Variants in KIFC2 observed in about 807,000 individuals in gnomAD.
KIFC2 encodes kinesin family member C2, also known as kinesin-like protein KIFC2.
In KIFC2, 94 loss-of-function variants were observed where a neutral mutation model predicts 91.5. The observed-to-expected ratio is 1.03, with a 90% CI of 0.87 to 1.22. The LOEUF (loss-of-function observed/expected upper bound fraction) is 1.22, where lower values mean the gene tolerates loss of function less well. Among genes scored for constraint, KIFC2 ranks in the 50% most tolerant of loss-of-function variants. The pLI, the probability that KIFC2 is intolerant of heterozygous loss-of-function variation, is 0.00. For missense variants in KIFC2, 1,357 were observed against 1,103.3 expected (o/e 1.23, Z -3.26); for synonymous variants, 729 against 503.9 (o/e 1.45, Z -5.98).
rs1325054891 is a variant in KIFC2, at chr8:144,473,620, C to T, written c.*231C>T. ...CCCTGCATCAGGCCACAGGTCTTGG[C>T]TTTCTCCTTATCACCATTTGCTGTT... On this transcript the variant is annotated 3_prime_UTR_variant, in exon 18 of 18. Transcript: ENST00000645548. 3.5e-6 allele frequency: 2 copies of T among 578,272 alleles called. No individual in the cohort carries two copies. Among genetic ancestry groups the T allele is most frequent in the South Asian group, 3.0e-5 (1 of 33,712 alleles). The allele number at this position is 578,272 out of a possible 1,614,324, so 35.8% of individuals were successfully genotyped here.
rs778227782 is a variant in KIFC2, at chr8:144,472,673, G to A, written c.1828G>A (p.Ala610Thr). ...SHALVTLTLR[A>T]ASPPRAPGTA... ...TGCCCTGGTCACGCTGACGCTGCGC[G>A]CGGCGTCTCCACCGCGCGCTCCAGG... The change falls in exon 16 of 18, where the codon GCG (alanine) becomes ACG (threonine). Residue 610 changes from alanine to threonine, a missense_variant. By Grantham distance (58) the Ala-to-Thr change is moderately conservative (BLOSUM62 0). Transcript: ENST00000645548. 1 of 1,596,566 alleles carries A rather than the reference G, an allele frequency of 6.3e-7. No homozygotes were observed. Among genetic ancestry groups the A allele is most frequent in the South Asian group, 1.1e-5 (1 of 90,906 alleles).
intron 12 of KIFC2, chr8:144,470,678 G>C (rs1403751944): frequency 6.6e-6 from 1 of 152,298 alleles, no homozygotes; most frequent in Admixed American, 6.5e-5. Flanking sequence ...TGCCAATGGG[G>C]TGAATGTCCT....
In KIFC2 at chr8:144,472,844, A is replaced by C. The variant is rs773834833; in HGVS notation, c.1911A>C (p.Ala637=). 16 of 1,557,706 alleles carry C rather than the reference A, an allele frequency of 1.0e-5. No homozygotes were observed. The African/African-American group carries it at 2.0e-4, about 19-fold the overall frequency. ...CGGGATCCGAACGCGCACGGAAGGC[A>C]GGGGCGGCCGGCCCGCCGCGGGGAG... ...DLAGSERARK[A]GAAGPPRGDP... is the part of the protein sequence containing the mutation. Residue 637 remains alanine, a synonymous_variant, in exon 17 of 18, where the codon GCA becomes GCC. Coordinates refer to ENST00000645548, the MANE Select transcript of KIFC2 (RefSeq NM_001369769.2).
In KIFC2 at chr8:144,473,526, G is replaced by C. The variant is rs183946498; in HGVS notation, c.*137G>C. The C allele has an allele frequency of 5.8e-4, 773 of 1,325,526 alleles. 1 individual carries two copies. In the African/African-American group the frequency reaches 9.2e-3, roughly 16 times the overall value. The allele number at this position is 1,325,526 out of a possible 1,614,324, so 82.1% of individuals were successfully genotyped here. A position where few individuals can be genotyped will look rare whatever the true frequency, so the allele number is the denominator to read the frequency against. On this transcript the variant is annotated 3_prime_UTR_variant, in exon 18 of 18. Transcript: ENST00000645548. Reference sequence around the variant, plus strand: ...GATCCATTGCCCCTGAGCTCCCAGAGTCACCCCTCCACCTCCGCAGCCAGT... The same window carrying C: ...GATCCATTGCCCCTGAGCTCCCAGACTCACCCCTCCACCTCCGCAGCCAGT...
intron 10 of KIFC2, 117 bp from the exon 11 acceptor site, chr8:144,469,154 C>T: frequency 1.2e-6 from 1 of 847,226 alleles, no homozygotes; most frequent in Non-Finnish European, 1.9e-6. Context: ...AAAGTTGTGG[C>T]TTAGCACAGC....
chr8:144,467,888 G>A lies in KIFC2; in HGVS notation c.711G>A (p.Gln237=). ...CGACGGACTCAGAGAAAAGGGTTCA[G>A]CATCTGACTCTGGAGAACGAGGCCC... ...VGATDSEKRV[Q]HLTLENEALK... is the part of the protein sequence containing the mutation. Residue 237 remains glutamine, a synonymous_variant, in exon 7 of 18, where the codon CAG becomes CAA. Transcript: ENST00000645548. The A allele has an allele frequency of 6.2e-7, 1 of 1,613,434 alleles. No individual in the cohort carries two copies. Among genetic ancestry groups the A allele is most frequent in the Non-Finnish European group, 8.5e-7 (1 of 1,179,774 alleles).
At chr8:144,468,090 CTG>C in intron 7 of KIFC2, 103 bp downstream of exon 7, 1 of 1,384,736 alleles carries the variant, frequency 7.2e-7, no homozygotes, top group Non-Finnish European at 9.5e-7. Flanking sequence ...CCGGGATGGT[CTG>C]TGTAGGGCAG....
Position 144,467,639 on chromosome 8 carries a change from C to T in KIFC2, c.615+9C>T. ...AGCTCATCCTGGGACAGGTGAGGTCCCTGGAGCCAGAAGGGATTGCCGGCT... is the reference window on the plus strand; with the variant it reads ...AGCTCATCCTGGGACAGGTGAGGTCTCTGGAGCCAGAAGGGATTGCCGGCT... On this transcript the variant is annotated intron_variant, in intron 5 of 17. Coordinates refer to ENST00000645548, the MANE Select transcript of KIFC2 (RefSeq NM_001369769.2). 1 of 1,601,046 alleles carries T rather than the reference C, an allele frequency of 6.2e-7. No individual in the cohort carries two copies. Among genetic ancestry groups the T allele is most frequent in the Non-Finnish European group, 8.5e-7 (1 of 1,172,682 alleles).
At chr8:144,466,585 C>T (rs1564745763) in intron 1 of KIFC2, 67 bp downstream of exon 1, 7 of 940,146 alleles carry the variant, frequency 7.4e-6, no homozygotes, top group East Asian at 3.4e-5. Flanking sequence ...CCGAGGTTCC[C>T]GGGGCGGGGG....
At chr8:144,473,098 C>T in intron 17 of KIFC2, 34 bp from the exon 18 acceptor site, 1 of 1,539,360 alleles carries the variant, frequency 6.5e-7, no homozygotes, top group East Asian at 2.5e-5. Flanking sequence ...TCGCCGCCCA[C>T]CCGGGCCCGC....
At chr8:144,469,172 G>A in intron 10 of KIFC2, 99 bp from the exon 11 acceptor site, 1 of 979,964 alleles carries the variant, frequency 1.0e-6, no homozygotes, top group Non-Finnish European at 1.5e-6. Context: ...AGCTGAGCGG[G>A]CCTGTGGGGG....
rs1040223005 is a variant in KIFC2 at position 144,468,264 on chromosome 8, C to G, written c.811-65C>G. On this transcript the variant is annotated intron_variant, in intron 7 of 17. Transcript: ENST00000645548. The stretch of plus-strand genomic sequence containing the variant: ...TGCCCACCTCTTGACTTGACTTTCC[C>G]ATCTGTGAAATGGTACCACAGACCG... 5.6e-6 allele frequency: 8 copies of G among 1,429,238 alleles called. 1 individual carries two copies. The East Asian group carries it at 7.1e-5, about 13-fold the overall frequency. 88.5% of individuals were successfully genotyped at this position (1,429,238 alleles called of 1,614,324 possible). A position where few individuals can be genotyped will look rare whatever the true frequency, so the allele number is the denominator to read the frequency against.
chr8:144,472,102 G>C (rs370401549), intron 13 of KIFC2, 36 bp from the exon 14 acceptor site: 1 of 1,612,944 alleles, frequency 6.2e-7, no homozygotes, highest in Non-Finnish European at 8.5e-7. Context: ...GCATGACTTG[G>C]ATGTGAGCCC....
Position 144,468,733 on chromosome 8 carries a change from GC to G in KIFC2, c.1013del (p.Ala338AspfsTer28). On this transcript the variant is annotated frameshift_variant, in exon 10 of 18. Coordinates refer to ENST00000645548, the MANE Select transcript of KIFC2 (RefSeq NM_001369769.2). LOFTEE classifies it high-confidence loss of function. ...QMHGQLAGLR[A>X]RMASLRQGCG... is the part of the protein sequence containing the mutation. The stretch of plus-strand genomic sequence containing the variant: ...CAGACTTCCCTCTCCAGGACTTCGG[GC>G]ACGGATGGCCAGCCTGCGTCAGGGC... 6.2e-7 allele frequency: 1 copy of G among 1,614,028 alleles called. No individual in the cohort carries two copies. Among genetic ancestry groups the G allele is most frequent in the Non-Finnish European group, 8.5e-7 (1 of 1,180,010 alleles).
At position 144,467,953 on chromosome 8, in the gene KIFC2, A is replaced by C. The variant is rs556184572; in HGVS notation, c.776A>C (p.His259Pro). Residue 259 changes from histidine (H) to proline (P), a missense_variant, in exon 7 of 18, where the codon CAC (histidine) becomes CCC (proline). Transcript: ENST00000645548. Reference sequence around the variant, plus strand: ...AGTCTCATGCGGGACCTCCTGCTGCACTGGGGCCCCGGGCCCCCCATCAGG... The same window carrying C: ...AGTCTCATGCGGGACCTCCTGCTGCCCTGGGGCCCCGGGCCCCCCATCAGG... ...SLSLMRDLLL[H>P]WGPGPPIRAP... 3.1e-6 allele frequency: 5 copies of C among 1,594,716 alleles called. No homozygotes were observed. In the African/African-American group the frequency reaches 6.8e-5, roughly 22 times the overall value.
intron 14 of KIFC2, 23 bp from the exon 15 acceptor site, chr8:144,472,321 CAGAGAATTCTGGAACCA>C: frequency 6.2e-7 from 1 of 1,613,474 alleles, no homozygotes; most frequent in Non-Finnish European, 8.5e-7. Context: ...TCCGGATTTC[CAGAGAATTCTGGAACCA>C]AGACCTTCCC....
At position 144,472,131 on chromosome 8, in the gene KIFC2, T is replaced by C. The variant is rs1209044864; in HGVS notation, c.1486-7T>C. 6.2e-7 allele frequency: 1 copy of C among 1,612,978 alleles called. No individual in the cohort carries two copies. Reference sequence around the variant, plus strand: ...TGAGCCCGGTGTGCACCCCACCCCATCCTCAGGGCCCTCCTGAGGACCCCG... The same window carrying C: ...TGAGCCCGGTGTGCACCCCACCCCACCCTCAGGGCCCTCCTGAGGACCCCG... On this transcript the variant is annotated splice_polypyrimidine_tract_variant and splice_region_variant and intron_variant, in intron 13 of 17. Coordinates refer to ENST00000645548, the MANE Select transcript of KIFC2 (RefSeq NM_001369769.2).
At chr8:144,467,687 C>G in intron 5 of KIFC2, 27 bp from the exon 6 acceptor site, 1 of 1,611,948 alleles carries the variant, frequency 6.2e-7, no homozygotes, top group Non-Finnish European at 8.5e-7. Flanking sequence ...AAAGGAGGTC[C>G]ACCCTGTCTC....
At chr8:144,472,749 C>G in intron 16 of KIFC2, 43 bp downstream of exon 16, 2 of 1,591,810 alleles carry the variant, frequency 1.3e-6, no homozygotes, top group Non-Finnish European at 1.7e-6. Flanking sequence ...CTCCAGAGCA[C>G]CCGAGGCCCG....
Sources: allele counts gnomAD v4.1 joint callset, GRCh38; gene constraint gnomAD v4.1.1; transcripts MANE v1.5; gene names NCBI Gene and HGNC (gene_info 2026-07-23, HGNC 2026-07-21).